The following EIF4E3 variants were observed in gnomAD, a reference collection of about 807,000 sequenced individuals.
The protein encoded by EIF4E3 is eukaryotic translation initiation factor 4E family member 3.
In EIF4E3, 26 loss-of-function variants were observed where a neutral mutation model predicts 31.7. The observed-to-expected ratio is 0.82, with a 90% confidence interval of 0.60 to 1.14. The LOEUF is 1.14. EIF4E3 is among the 50% of genes most tolerant of loss of function. The pLI, the probability that EIF4E3 is intolerant of heterozygous loss-of-function variation, is 0.00. For synonymous variants in EIF4E3, 128 were observed against 107.7 expected (o/e 1.19, Z -1.17); for missense variants, 304 against 270.9 (o/e 1.12, Z -0.86).
At chr3:71,666,243 A>AT in the EIF4E3 span, among the ~76,000 whole-genome samples, 12,732 of 150,878 alleles carry the variant, frequency 0.084, 1,334 homozygotes, top group African/African-American at 0.25. Flanking sequence ...AATAGACATA[A>AT]AAAAAATGGT....
At chr3:71,703,514 A>G (rs2049247101) in intron 2 of EIF4E3, among the ~76,000 whole-genome samples, 1 of 152,214 alleles carries the variant, frequency 6.6e-6, no homozygotes, top group Non-Finnish European at 1.5e-5. Context: ...AGGCCTAAGG[A>G]AGGAAACAAA....
intron 1 of EIF4E3, among the ~76,000 whole-genome samples, chr3:71,746,700 C>A (rs886966840): frequency 6.6e-6 from 1 of 152,224 alleles, no homozygotes; most frequent in African/African-American, 2.4e-5. Flanking sequence ...ATGATATCCA[C>A]AGAGTTGTGG....
chr3:71,694,685 C>A (rs1421276038), intron 4 of EIF4E3, among the ~76,000 whole-genome samples: 1 of 152,194 alleles, frequency 6.6e-6, no homozygotes, highest in East Asian at 1.9e-4. Context: ...TTCACAGGCT[C>A]CAAATTGCCC....
intron 1 of EIF4E3, among the ~76,000 whole-genome samples, chr3:71,733,657 T>G (rs1375310821): frequency 6.6e-6 from 1 of 152,188 alleles, no homozygotes; most frequent in African/African-American, 2.4e-5. Context: ...CCTCAGAGAC[T>G]ATTATAAAGT....
the EIF4E3 span, among the ~76,000 whole-genome samples, chr3:71,661,177 A>C: frequency 6.6e-6 from 1 of 151,818 alleles, no homozygotes; most frequent in Admixed American, 6.6e-5. Flanking sequence ...AACTCAAAAG[A>C]ATGATTCTGA....
intron 6 of EIF4E3, among the ~76,000 whole-genome samples, chr3:71,687,679 T>C (rs943448862): frequency 2.0e-5 from 3 of 152,118 alleles, no homozygotes; most frequent in Non-Finnish European, 4.4e-5. Flanking sequence ...GCATTGTGAG[T>C]TTCTCAGTCA....
Position 71,696,801 on chromosome 3 carries a change from T to G in EIF4E3, c.345-281A>C, listed in dbSNP as rs374570628. Among the ~76,000 whole-genome samples the G allele has an allele frequency of 3.0e-3, 444 of 148,296 alleles. 4 individuals carry two copies. Among genetic ancestry groups the G allele is most frequent in the Middle Eastern group, 0.011 (3 of 266 alleles). On this transcript the variant is annotated intron_variant, in intron 3 of 6. Coordinates refer to ENST00000425534, the MANE Select transcript of EIF4E3 (RefSeq NM_001134651.2). ...CGCCATCTCGGCTCACTGCAAGCTC[T>G]GCCTCCCGGGTTCACGCCATTCTCC... is the stretch of plus-strand genomic sequence containing the variant.
chr3:71,733,209 C>T (rs2049725908), intron 1 of EIF4E3, among the ~76,000 whole-genome samples: 2 of 152,182 alleles, frequency 1.3e-5, no homozygotes, highest in Admixed American at 1.3e-4. Flanking sequence ...GGTAGATACA[C>T]AAGGAGCGGG....
upstream of EIF4E3, among the ~76,000 whole-genome samples, chr3:71,729,698 G>C (rs2049681786): frequency 6.6e-6 from 1 of 152,062 alleles, no homozygotes; most frequent in Admixed American, 6.6e-5. Flanking sequence ...AATATTTGTT[G>C]CATATCTGCT....
chr3:71,684,865 AT>A, intron 6 of EIF4E3, 137 bp from the exon 7 acceptor site: 4 of 780,054 alleles, frequency 5.1e-6, no homozygotes, highest in Non-Finnish European at 5.8e-6. Context: ...TTATTTATTT[AT>A]TTTTTTGCCA....
intron 1 of EIF4E3, among the ~76,000 whole-genome samples, chr3:71,724,791 G>A (rs1268522066): frequency 3.3e-5 from 5 of 152,216 alleles, no homozygotes; most frequent in Non-Finnish European, 7.3e-5. Flanking sequence ...CTGAGGTCGT[G>A]TCCTGAGCTC....
intron 5 of EIF4E3, among the ~76,000 whole-genome samples, 195 bp from the exon 6 acceptor site, chr3:71,690,360 G>A (rs1434276533): frequency 6.6e-6 from 1 of 152,198 alleles, no homozygotes; most frequent in South Asian, 2.1e-4. Flanking sequence ...AAAAGCTGTA[G>A]CAGTCACATC....
In EIF4E3 at chr3:71,680,472, A is replaced by G. The variant is rs937075566; in HGVS notation, c.*4210T>C. 1.3e-5 allele frequency: 2 copies of G among 152,206 alleles called. No individual in the cohort carries two copies. Among genetic ancestry groups the G allele is most frequent in the Non-Finnish European group, 2.9e-5 (2 of 68,044 alleles). The allele number at this position is 152,206 out of a possible 1,614,324, so 9.4% of individuals were successfully genotyped here. A position where few individuals can be genotyped will look rare whatever the true frequency, so the allele number is the denominator to read the frequency against. On this transcript the variant is annotated 3_prime_UTR_variant, in exon 7 of 7. Coordinates refer to ENST00000425534, the MANE Select transcript of EIF4E3 (RefSeq NM_001134651.2). ...AAGAGTCCCTGAATGTTCTTTTAAAAATGGATTTATGTCAGCAACATGAAA... is the reference window on the plus strand; with the variant it reads ...AAGAGTCCCTGAATGTTCTTTTAAAGATGGATTTATGTCAGCAACATGAAA...
At chr3:71,661,115 ATTG>A in the EIF4E3 span, among the ~76,000 whole-genome samples, 831 of 150,398 alleles carry the variant, frequency 5.5e-3, 10 homozygotes, top group African/African-American at 0.019. Flanking sequence ...AAATATAATA[ATTG>A]TTATTGTTAT....
intron 1 of EIF4E3, among the ~76,000 whole-genome samples, chr3:71,723,953 C>G (rs556269838): frequency 6.6e-6 from 1 of 150,852 alleles, no homozygotes; most frequent in Admixed American, 6.6e-5. Context: ...TATAAGAACC[C>G]AAAAGGAAAA....
Position 71,693,964 on chromosome 3 carries a change from A to G in EIF4E3, c.406-23T>C, listed in dbSNP as rs143440398. On this transcript the variant is annotated intron_variant, in intron 4 of 6. Transcript: ENST00000425534. ...GGACTGATATGGGAAAAGAATAAAA[A>G]ACAAAACAAACAAAATACAGATATT... is the stretch of plus-strand genomic sequence containing the variant. 2.4e-5 allele frequency: 37 copies of G among 1,530,136 alleles called. No individual in the cohort carries two copies. In the East Asian group the frequency reaches 6.2e-4, roughly 26 times the overall value. The allele number at this position is 1,530,136 out of a possible 1,614,324, so 94.8% of individuals were successfully genotyped here.
chr3:71,704,300 GGA>G lies in EIF4E3; in HGVS notation c.250-4594_250-4593del, dbSNP rs1448633423. 2.0e-5 allele frequency among the ~76,000 whole-genome samples: 3 copies of G among 152,314 alleles called. No individual in the cohort carries two copies. The East Asian group carries it at 5.8e-4, about 29-fold the overall frequency. On this transcript the variant is annotated intron_variant, in intron 2 of 6. Transcript: ENST00000425534. ...GTGGGGTTAAAACCCTGAAAGGATG[GGA>G]GAGAGCCCCACCCAAAGATTGGGGA...
At chr3:71,722,769 T>C (rs2108115291) in intron 1 of EIF4E3, among the ~76,000 whole-genome samples, 1 of 152,198 alleles carries the variant, frequency 6.6e-6, no homozygotes, top group South Asian at 2.1e-4. Flanking sequence ...CCAGAGACTG[T>C]TTGTTGGGGT....
At chr3:71,661,121 ATT>A in the EIF4E3 span, among the ~76,000 whole-genome samples, 2 of 149,686 alleles carry the variant, frequency 1.3e-5, no homozygotes, top group Non-Finnish European at 3.0e-5. Context: ...AATAATTGTT[ATT>A]GTTATTTTAC....
Sources: gnomAD v4.1 joint callset for allele counts (sites outside exome capture counted in the v4.1 genomes callset) on GRCh38, gnomAD v4.1.1 for gene constraint, MANE v1.5 for transcripts, NCBI Gene and HGNC (gene_info 2026-07-23, HGNC 2026-07-21) for gene names.